The following OSTN variants were observed in gnomAD, a reference collection of about 807,000 sequenced individuals.
OSTN encodes osteocrin.
Under a neutral mutation model 12.0 loss-of-function variants are expected in OSTN, and 9 were observed. The observed-to-expected ratio is 0.75, with a 90% CI of 0.45 to 1.30. The LOEUF (loss-of-function observed/expected upper bound fraction) is 1.30, where lower values mean the gene tolerates loss of function less well. OSTN is among the 50% of genes most tolerant of loss of function. The pLI is 0.00. For synonymous variants in OSTN, 59 were observed against 56.9 expected, an observed-to-expected ratio of 1.04 and a Z score of -0.16; for missense variants, 148 against 152.3, an observed-to-expected ratio of 0.97 and a Z score of 0.15.
At chr3:191,221,381 T>C (rs1329583831) in intron 3 of OSTN, among the ~76,000 whole-genome samples, 2 of 151,992 alleles carry the variant, frequency 1.3e-5, no homozygotes, top group African/African-American at 4.8e-5. Context: ...TTTGGAGGGC[T>C]CAGAAGAAGA....
chr3:191,212,869 T>C (rs1390556526), intron 2 of OSTN, among the ~76,000 whole-genome samples: 140 of 125,494 alleles, frequency 1.1e-3, no homozygotes, highest in African/African-American at 4.0e-3. Context: ...TTTTCTTTCT[T>C]TTTTTTTTTT....
intron 3 of OSTN, among the ~76,000 whole-genome samples, chr3:191,244,061 G>A (rs142608411): frequency 7.2e-4 from 110 of 152,182 alleles, no homozygotes; most frequent in African/African-American, 2.5e-3. Context: ...TATTTCTTAT[G>A]CTGGGGGCTG....
intron 3 of OSTN, among the ~76,000 whole-genome samples, chr3:191,240,935 T>TTGTGGAA (rs1313237282): frequency 6.6e-6 from 1 of 152,216 alleles, no homozygotes; most frequent in South Asian, 2.1e-4. Context: ...AGTCTATTGA[T>TTGTGGAA]TAGAGAAGTC....
At chr3:191,253,667 A>G (rs1214393533) in intron 4 of OSTN, among the ~76,000 whole-genome samples, 2 of 152,226 alleles carry the variant, frequency 1.3e-5, no homozygotes, top group African/African-American at 2.4e-5. Context: ...CATTGGCAGC[A>G]GCCCTCAGAG....
chr3:191,204,597 T>TA (rs1346462316), intron 1 of OSTN, among the ~76,000 whole-genome samples: 2 of 152,186 alleles, frequency 1.3e-5, no homozygotes, highest in African/African-American at 2.4e-5. Flanking sequence ...GCAGTTTCAA[T>TA]AAAAAAAGAG....
At chr3:191,252,121 G>A (rs80189797) in intron 4 of OSTN, among the ~76,000 whole-genome samples, 7 of 152,220 alleles carry the variant, frequency 4.6e-5, no homozygotes, top group South Asian at 4.1e-4. Flanking sequence ...GTGCAGTTGC[G>A]TGATCTCGGC....
chr3:191,246,660 A>AAAGGGG (rs1370075977), intron 3 of OSTN, among the ~76,000 whole-genome samples: 2 of 151,102 alleles, frequency 1.3e-5, no homozygotes, highest in African/African-American at 2.4e-5. Context: ...AGGGAAAGGT[A>AAAGGGG]AAGGGGAAGG....
At chr3:191,231,574 A>C (rs890722315) in intron 3 of OSTN, among the ~76,000 whole-genome samples, 1 of 152,138 alleles carries the variant, frequency 6.6e-6, no homozygotes, top group East Asian at 1.9e-4. Context: ...GTGTTGTTAG[A>C]TCTTTCACAA....
intron 2 of OSTN, chr3:191,216,991 A>G (rs1714628975): frequency 6.7e-6 from 1 of 150,178 alleles, no homozygotes; most frequent in Admixed American, 6.6e-5. Flanking sequence ...AATTTACTGT[A>G]TTAGTCCATT....
chr3:191,236,338 A>G (rs1322901752), intron 3 of OSTN, among the ~76,000 whole-genome samples: 1 of 152,190 alleles, frequency 6.6e-6, no homozygotes, highest in Non-Finnish European at 1.5e-5. Flanking sequence ...TGTTACCAGA[A>G]AGGGGTCCCG....
intron 3 of OSTN, among the ~76,000 whole-genome samples, chr3:191,230,807 C>T (rs1184116048): frequency 2.0e-5 from 3 of 152,080 alleles, no homozygotes; most frequent in Non-Finnish European, 4.4e-5. Context: ...TCATCCAATG[C>T]TGTATAAAGC....
intron 1 of OSTN, among the ~76,000 whole-genome samples, chr3:191,202,283 T>C (rs1329638802): frequency 1.3e-5 from 2 of 152,224 alleles, no homozygotes; most frequent in African/African-American, 4.8e-5. Context: ...AAAGTTTATG[T>C]ATGACAATTC....
chr3:191,215,306 T>C (rs1714579476), intron 2 of OSTN, among the ~76,000 whole-genome samples: 1 of 152,182 alleles, frequency 6.6e-6, no homozygotes, highest in Admixed American at 6.5e-5. Flanking sequence ...GTGGGGATTA[T>C]GGGGATTACA....
rs543813150 is a variant in OSTN at position 191,219,962 on chromosome 3, C to T, written c.317+1001C>T. Among the ~76,000 whole-genome samples, 13 of 152,276 alleles carry T rather than the reference C, an allele frequency of 8.5e-5. No individual in the cohort carries two copies. The South Asian group carries it at 2.1e-3, about 24-fold the overall frequency. Reference sequence around the variant, plus strand: ...CTTTATCACCAACGTATCCTGTACTCGGCTAGCAGGCTAATCATCTAAAAC... The same window carrying T: ...CTTTATCACCAACGTATCCTGTACTTGGCTAGCAGGCTAATCATCTAAAAC... On this transcript the variant is annotated intron_variant, in intron 3 of 4. Transcript: ENST00000682035.
chr3:191,211,040 A>G (rs1714405239), intron 1 of OSTN, among the ~76,000 whole-genome samples: 1 of 152,222 alleles, frequency 6.6e-6, no homozygotes, highest in African/African-American at 2.4e-5. Context: ...AGATTTTTAC[A>G]TATTTGCTTT....
At chr3:191,220,057 G>C (rs1274068217) in intron 3 of OSTN, among the ~76,000 whole-genome samples, 1 of 152,122 alleles carries the variant, frequency 6.6e-6, no homozygotes, top group Non-Finnish European at 1.5e-5. Flanking sequence ...GAGCTACAGG[G>C]AATTTCATAA....
At chr3:191,232,804 T>C (rs1349060986) in intron 3 of OSTN, among the ~76,000 whole-genome samples, 1 of 151,990 alleles carries the variant, frequency 6.6e-6, no homozygotes, top group Non-Finnish European at 1.5e-5. Context: ...TAGTAGGGAC[T>C]GTGTTTCTCC....
chr3:191,262,000 T>G (rs546800138), intron 4 of OSTN, among the ~76,000 whole-genome samples: 2 of 152,186 alleles, frequency 1.3e-5, no homozygotes, highest in African/African-American at 4.8e-5. Flanking sequence ...GTGGATCACC[T>G]GAGGTCAGGA....
chr3:191,222,798 T>A (rs1000750205), intron 3 of OSTN, among the ~76,000 whole-genome samples: 1 of 152,078 alleles, frequency 6.6e-6, no homozygotes, highest in African/African-American at 2.4e-5. Flanking sequence ...TGGGAGGTAA[T>A]TGAATCATGG....
Sources: gnomAD v4.1 joint callset for allele counts (sites outside exome capture counted in the v4.1 genomes callset) on GRCh38, gnomAD v4.1.1 for gene constraint, MANE v1.5 for transcripts, NCBI Gene and HGNC (gene_info 2026-07-23, HGNC 2026-07-21) for gene names.